The following MAML2 variants were observed in gnomAD, a reference collection of about 807,000 sequenced individuals.
MAML2 encodes mastermind-like protein 2.
Under a neutral mutation model 96.1 loss-of-function variants are expected in MAML2, and 22 were observed. The ratio of observed to expected loss-of-function variants is 0.23; its 90% CI spans 0.16 to 0.33. The LOEUF is 0.33. Ranked by LOEUF, MAML2 falls within the 10% of genes least tolerant of loss-of-function variation. The pLI is 1.00. For synonymous variants in MAML2, 561 were observed against 521.3 expected, an observed-to-expected ratio of 1.08 and a Z score of -1.04; for missense variants, 1,367 against 1,392.4, an observed-to-expected ratio of 0.98 and a Z score of 0.29.
At chr11:96,264,299 C>A (rs1049965912) in intron 1 of MAML2, among the ~76,000 whole-genome samples, 2 of 152,146 alleles carry the variant, frequency 1.3e-5, no homozygotes, top group African/African-American at 2.4e-5. Flanking sequence ...AAGGCCCAGA[C>A]CCCCATTCAG....
At chr11:96,333,488 C>T (rs7945834) in intron 1 of MAML2, among the ~76,000 whole-genome samples, 91,874 of 152,122 alleles carry the variant, frequency 0.6, 28,619 homozygotes, top group African/African-American at 0.77. Flanking sequence ...CATAGAAACA[C>T]CATGCTTTCA....
At chr11:96,156,105 T>C (rs542622164) in intron 1 of MAML2, among the ~76,000 whole-genome samples, 1 of 152,194 alleles carries the variant, frequency 6.6e-6, no homozygotes, top group Admixed American at 6.5e-5. Context: ...CCTGGTTTGC[T>C]AACATGCTTC....
At chr11:96,049,142 T>C (rs2135765350) in intron 2 of MAML2, among the ~76,000 whole-genome samples, 1 of 152,218 alleles carries the variant, frequency 6.6e-6, no homozygotes, top group East Asian at 1.9e-4. Flanking sequence ...GAGTTGTAAT[T>C]ACTATTTCCT....
chr11:96,100,748 C>CTT (rs529252464), intron 1 of MAML2, among the ~76,000 whole-genome samples: 2 of 109,322 alleles, frequency 1.8e-5, no homozygotes, highest in East Asian at 2.5e-4. Context: ...TTTTTTTTTT[C>CTT]TTTTTTTTTT....
chr11:96,211,305 C>A (rs1455987606), intron 1 of MAML2, among the ~76,000 whole-genome samples: 1 of 152,034 alleles, frequency 6.6e-6, no homozygotes, highest in Non-Finnish European at 1.5e-5. Flanking sequence ...TATCAAAAAT[C>A]AAATATTTAA....
chr11:96,342,247 G>T lies in MAML2; in HGVS notation c.-352C>A. On this transcript the variant is annotated 5_prime_UTR_variant, in exon 1 of 5. Transcript: ENST00000524717. ...GCCACTAGGTACTTTGTAAACACACGATCTGGGGGTTAGATCAAGAATTCA... is the reference window on the plus strand; with the variant it reads ...GCCACTAGGTACTTTGTAAACACACTATCTGGGGGTTAGATCAAGAATTCA... The T allele has an allele frequency of 2.3e-6, 1 of 443,072 alleles. No homozygotes were observed. The highest frequency in any genetic ancestry group is 6.9e-5 in the South Asian group (1 of 14,466). The allele number at this position is 443,072 out of a possible 1,614,324, so 27.4% of individuals were successfully genotyped here.
intron 2 of MAML2, among the ~76,000 whole-genome samples, chr11:96,041,836 G>C: frequency 6.6e-6 from 1 of 151,882 alleles, no homozygotes; most frequent in East Asian, 1.9e-4. Context: ...GGGGGACAGA[G>C]TTTCACTTTG....
chr11:96,028,323 A>G (rs924876882), intron 2 of MAML2, among the ~76,000 whole-genome samples: 3 of 152,144 alleles, frequency 2.0e-5, no homozygotes, highest in African/African-American at 7.2e-5. Context: ...TAAGCATTTT[A>G]CCACGTTTTC....
At position 96,121,780 on chromosome 11, in the gene MAML2, ATTTTTTT is replaced by A. The variant is rs543373689; in HGVS notation, c.514-28270_514-28264del. Among the ~76,000 whole-genome samples, 34 of 35,246 alleles carry A rather than the reference ATTTTTTT, an allele frequency of 9.6e-4. 3 individuals carry two copies. The highest frequency in any genetic ancestry group is 3.3e-3 in the African/African-American group (26 of 7,924). The allele number at this position is 35,246 out of a possible 152,430, so 23.1% of individuals were successfully genotyped here. A position where few individuals can be genotyped will look rare whatever the true frequency, so the allele number is the denominator to read the frequency against. On this transcript the variant is annotated intron_variant, in intron 1 of 4. Transcript: ENST00000524717. ...TCCATTCCATATTCCCAACTGCGTG[ATTTTTTT>A]TTTTTTTTTTTTTTTTTGAGACGGA...
In MAML2 at chr11:96,342,474, A is replaced by G. The variant is rs945469309; in HGVS notation, c.-579T>C. The G allele has an allele frequency of 7.5e-6, 3 of 398,536 alleles. No individual in the cohort carries two copies. Among genetic ancestry groups the G allele is most frequent in the Admixed American group, 4.4e-5 (1 of 22,722 alleles). The allele number at this position is 398,536 out of a possible 1,614,324, so 24.7% of individuals were successfully genotyped here. ...ATAAAAAACCAAAACAAAACAAAACAGTGCTGTTTCAGAAGATGTTTAAGT... is the reference window on the plus strand; with the variant it reads ...ATAAAAAACCAAAACAAAACAAAACGGTGCTGTTTCAGAAGATGTTTAAGT... On this transcript the variant is annotated 5_prime_UTR_variant, in exon 1 of 5. Coordinates refer to ENST00000524717, the MANE Select transcript of MAML2 (RefSeq NM_032427.4).
At chr11:96,078,888 A>T (rs538851524) in intron 2 of MAML2, among the ~76,000 whole-genome samples, 1 of 152,368 alleles carries the variant, frequency 6.6e-6, no homozygotes, top group South Asian at 2.1e-4. Context: ...CTTTGTTTCC[A>T]ACAAGGATAT....
intron 2 of MAML2, among the ~76,000 whole-genome samples, chr11:96,003,996 G>A (rs948552620): frequency 3.3e-5 from 5 of 152,110 alleles, no homozygotes; most frequent in African/African-American, 1.2e-4. Flanking sequence ...AGGAAATTGT[G>A]TTTAAGAGTA....
In MAML2 at chr11:96,071,852, A is replaced by G. The variant is rs541368135; in HGVS notation, c.2139+20040T>C. 4.6e-5 allele frequency among the ~76,000 whole-genome samples: 7 copies of G among 152,352 alleles called. No homozygotes were observed. In the South Asian group the frequency reaches 1.2e-3, roughly 27 times the overall value. ...ATACATTAAAACAGGTCAACACAAC[A>G]TATTGCCACTGGCCATTTTGAAGAT... On this transcript the variant is annotated intron_variant, in intron 2 of 4. Transcript: ENST00000524717.
intron 1 of MAML2, among the ~76,000 whole-genome samples, chr11:96,135,097 G>C (rs539121057): frequency 6.6e-6 from 1 of 152,348 alleles, no homozygotes; most frequent in Admixed American, 6.5e-5. Flanking sequence ...AAACCATTAA[G>C]AGGTGATTAG....
intron 2 of MAML2, among the ~76,000 whole-genome samples, chr11:96,020,152 T>C (rs893513328): frequency 6.6e-6 from 1 of 152,208 alleles, no homozygotes; most frequent in Non-Finnish European, 1.5e-5. Context: ...GGAGGGTTTT[T>C]CTGGACCCTT....
intron 2 of MAML2, among the ~76,000 whole-genome samples, chr11:96,051,253 C>T (rs1858985291): frequency 6.6e-6 from 1 of 152,114 alleles, no homozygotes; most frequent in South Asian, 2.1e-4. Flanking sequence ...ATTCAAGGTC[C>T]TTTCTCTCAA....
intron 1 of MAML2, among the ~76,000 whole-genome samples, chr11:96,096,014 T>C (rs950402205): frequency 3.9e-5 from 6 of 152,194 alleles, no homozygotes; most frequent in Admixed American, 2.0e-4. Flanking sequence ...TCTATCCTCA[T>C]GGGGTCAGGA....
chr11:96,138,153 CA>C (rs1001841613), intron 1 of MAML2, among the ~76,000 whole-genome samples: 5 of 152,132 alleles, frequency 3.3e-5, no homozygotes, highest in Non-Finnish European at 7.4e-5. Context: ...CTTTTGTAAT[CA>C]AAGATTTGAA....
At chr11:96,202,628 A>ATT (rs1861841793) in intron 1 of MAML2, among the ~76,000 whole-genome samples, 1 of 151,512 alleles carries the variant, frequency 6.6e-6, no homozygotes, top group African/African-American at 2.4e-5. Context: ...TTCCAGATGA[A>ATT]ATTTTTTTTT....
Sources: allele counts gnomAD v4.1 joint callset (sites outside exome capture counted in the v4.1 genomes callset), GRCh38; gene constraint gnomAD v4.1.1; transcripts MANE v1.5; gene names NCBI Gene and HGNC (gene_info 2026-07-23, HGNC 2026-07-21).